FGL1: variants seen among roughly 807,000 people sequenced by gnomAD.
FGL1 encodes the protein fibrinogen-like protein 1.
In FGL1, 59 loss-of-function variants were observed where a neutral mutation model predicts 43.7. The ratio of observed to expected loss-of-function variants is 1.35; its 90% CI spans 1.10 to 1.68. FGL1 has a LOEUF of 1.68. FGL1 is among the 40% of genes most tolerant of loss of function. FGL1 has a pLI of 0.00. For missense variants in FGL1, 596 were observed against 373.0 expected, an observed-to-expected ratio of 1.60 and a Z score of -4.92; for synonymous variants, 192 against 126.5, an observed-to-expected ratio of 1.52 and a Z score of -3.48.
chr8:17,887,419 T>A (rs943646479), intron 1 of FGL1, among the ~76,000 whole-genome samples: 1 of 152,214 alleles, frequency 6.6e-6, no homozygotes, highest in Admixed American at 6.5e-5. Context: ...AAGAGAGGCA[T>A]ATTTTACATT....
At chr8:17,869,199 AT>A (rs1201175165) in intron 5 of FGL1, among the ~76,000 whole-genome samples, 195 bp from the exon 6 acceptor site, 3 of 152,226 alleles carry the variant, frequency 2.0e-5, no homozygotes, top group Admixed American at 6.5e-5. Context: ...TTGAAAAAAA[AT>A]GATGGATACA....
chr8:17,875,481 CTCTTTCTTTCTT>C lies in FGL1; in HGVS notation c.245-972_245-961del, dbSNP rs1172572579. On this transcript the variant is annotated intron_variant, in intron 3 of 7. Coordinates refer to ENST00000427924, the MANE Select transcript of FGL1 (RefSeq NM_004467.4). ...CCCCTTTGTCACCAAAAAGTGATAT[CTCTTTCTTTCTT>C]TCTTTCTTTCTTTCTTTCTTTCTTT... Among the ~76,000 whole-genome samples the C allele has an allele frequency of 6.5e-4, 85 of 129,802 alleles. 6 individuals are homozygous for C. The highest frequency in any genetic ancestry group is 3.8e-3 in the Middle Eastern group (1 of 262). 85.2% of individuals were successfully genotyped at this position (129,802 alleles called of 152,430 possible). A position where few individuals can be genotyped will look rare whatever the true frequency, so the allele number is the denominator to read the frequency against.
rs192464514 is a variant in FGL1 at position 17,878,706 on chromosome 8, G to C, written c.244+3293C>G. ...ACAAATTGCTAGGTTGTATGTAATT[G>C]GGTGTTTTCTACCATCAGATAAATT... On this transcript the variant is annotated intron_variant, in intron 3 of 7. Coordinates refer to ENST00000427924, the MANE Select transcript of FGL1 (RefSeq NM_004467.4). 3.3e-4 allele frequency among the ~76,000 whole-genome samples: 50 copies of C among 152,218 alleles called. No homozygotes were observed. The East Asian group carries it at 4.8e-3, about 15-fold the overall frequency.
rs139242915 is a variant in FGL1 at position 17,873,031 on chromosome 8, A to C, written c.502+988T>G. On this transcript the variant is annotated intron_variant, in intron 5 of 7. Coordinates refer to ENST00000427924, the MANE Select transcript of FGL1 (RefSeq NM_004467.4). ...TCAAATTGGTTGCAGCTTTGAAAAAATTTCAGCATTAAAGATGAGATGTAT... is the reference window on the plus strand; with the variant it reads ...TCAAATTGGTTGCAGCTTTGAAAAACTTTCAGCATTAAAGATGAGATGTAT... Among the ~76,000 whole-genome samples, 167 of 152,312 alleles carry C rather than the reference A, an allele frequency of 1.1e-3. 1 individual carries two copies. The highest frequency in any genetic ancestry group is 3.8e-3 in the African/African-American group (158 of 41,570).
intron 2 of FGL1, 137 bp from the exon 3 acceptor site, chr8:17,882,316 G>T: frequency 1.2e-6 from 1 of 835,522 alleles, no homozygotes; most frequent in Non-Finnish European, 1.8e-6. Context: ...AGAGAAAGTG[G>T]CTTGAAAAGT....
At chr8:17,893,140 G>T (rs2053728945) in intron 1 of FGL1, among the ~76,000 whole-genome samples, 1 of 152,160 alleles carries the variant, frequency 6.6e-6, no homozygotes, top group Non-Finnish European at 1.5e-5. Flanking sequence ...GACAGAGGTT[G>T]CAGTGAGCCA....
intron 2 of FGL1, among the ~76,000 whole-genome samples, chr8:17,883,890 CTTTT>C (rs1445578161): frequency 2.0e-5 from 3 of 149,412 alleles, no homozygotes; most frequent in Admixed American, 6.7e-5. Flanking sequence ...CTCCTCTTTT[CTTTT>C]TCTTTTCTTT....
chr8:17,890,925 G>C (rs2053695422), intron 1 of FGL1, among the ~76,000 whole-genome samples: 1 of 152,032 alleles, frequency 6.6e-6, no homozygotes, highest in Non-Finnish European at 1.5e-5. Context: ...TAACATGTGG[G>C]ATTACGAGAA....
chr8:17,871,657 G>A (rs34095828), intron 5 of FGL1, among the ~76,000 whole-genome samples: 116 of 152,164 alleles, frequency 7.6e-4, no homozygotes, highest in African/African-American at 2.6e-3. Flanking sequence ...TATGTAGTGG[G>A]GATAAAGCTA....
At chr8:17,886,641 C>T (rs930042379) in intron 1 of FGL1, among the ~76,000 whole-genome samples, 1 of 152,010 alleles carries the variant, frequency 6.6e-6, no homozygotes, top group Non-Finnish European at 1.5e-5. Flanking sequence ...GCCTGTACTC[C>T]CAGCCACTCG....
At position 17,868,747 on chromosome 8, in the gene FGL1, G is replaced by A. The variant is rs887224325; in HGVS notation, c.592-12C>T. ...AACTCGTAGAAATTCTAAAGAAAAA[G>A]GGCATTTCTGCTGTCAGTGGAGTTC... On this transcript the variant is annotated splice_polypyrimidine_tract_variant and intron_variant, in intron 6 of 7. Coordinates refer to ENST00000427924, the MANE Select transcript of FGL1 (RefSeq NM_004467.4). The A allele has an allele frequency of 1.2e-6, 2 of 1,603,944 alleles. No homozygotes were observed. The highest frequency in any genetic ancestry group is 1.7e-6 in the Non-Finnish European group (2 of 1,175,076).
At position 17,886,781 on chromosome 8, in the gene FGL1, A is replaced by AGAGAG. The variant is rs61063668; in HGVS notation, c.-17-1215_-17-1211dup. Reference sequence around the variant, plus strand: ...TAGAAAGAAACGAAATGAGAGGAGAAGAGAGGAGAGGAGAGGAGAGGAGAG... The same window carrying AGAGAG: ...TAGAAAGAAACGAAATGAGAGGAGAAGAGAGGAGAGGAGAGGAGAGGAGAGGAGAG... On this transcript the variant is annotated intron_variant, in intron 1 of 7. Transcript: ENST00000427924. Among the ~76,000 whole-genome samples the AGAGAG allele has an allele frequency of 4.2e-3, 625 of 150,282 alleles. 4 individuals are homozygous for AGAGAG. The highest frequency in any genetic ancestry group is 0.02 in the South Asian group (95 of 4,714).
chr8:17,880,125 G>T (rs1394214146), intron 3 of FGL1, among the ~76,000 whole-genome samples: 1 of 152,156 alleles, frequency 6.6e-6, no homozygotes, highest in Non-Finnish European at 1.5e-5. Context: ...CAGAGGCACT[G>T]GCCATCTTCA....
At chr8:17,875,506 T>C (rs572063166) in intron 3 of FGL1, among the ~76,000 whole-genome samples, 1,846 of 11,722 alleles carry the variant, frequency 0.16, 229 homozygotes, top group African/African-American at 0.27. Flanking sequence ...TTTCTTTCTT[T>C]CTTTCTTTCT....
At chr8:17,878,856 A>G (rs2131719983) in intron 3 of FGL1, among the ~76,000 whole-genome samples, 1 of 151,722 alleles carries the variant, frequency 6.6e-6, no homozygotes, top group Middle Eastern at 3.4e-3. Flanking sequence ...CACCAAAAAC[A>G]TAAACTTTGA....
intron 5 of FGL1, among the ~76,000 whole-genome samples, chr8:17,872,097 T>G (rs1446858791): frequency 1.3e-5 from 2 of 151,848 alleles, no homozygotes. Flanking sequence ...AAAGGAAGCG[T>G]TATGTAAATT....
At chr8:17,867,652 CAGA>C (rs1460251874) in intron 7 of FGL1, among the ~76,000 whole-genome samples, 5 of 152,238 alleles carry the variant, frequency 3.3e-5, no homozygotes, top group Non-Finnish European at 7.3e-5. Flanking sequence ...TCTGATAACT[CAGA>C]CTTCTACTAA....
intron 3 of FGL1, among the ~76,000 whole-genome samples, chr8:17,877,497 A>G (rs921818718): frequency 2.0e-5 from 3 of 152,152 alleles, no homozygotes; most frequent in Non-Finnish European, 4.4e-5. Context: ...AAAGTACCCC[A>G]CATTCTAAAC....
chr8:17,877,092 C>T (rs563625257), intron 3 of FGL1, among the ~76,000 whole-genome samples: 1 of 152,034 alleles, frequency 6.6e-6, no homozygotes, highest in Non-Finnish European at 1.5e-5. Context: ...ATCGTAACAG[C>T]AGAAAGTATG....
Sources: allele counts gnomAD v4.1 joint callset (sites outside exome capture counted in the v4.1 genomes callset), GRCh38; gene constraint gnomAD v4.1.1; transcripts MANE v1.5; gene names NCBI Gene and HGNC (gene_info 2026-07-23, HGNC 2026-07-21).